The following NIPAL2 variants were observed in gnomAD, a reference collection of about 807,000 sequenced individuals.
NIPAL2 encodes NIPA-like protein 2.
In NIPAL2, 43 loss-of-function variants were observed where a neutral mutation model predicts 48.9. The observed-to-expected ratio is 0.88, with a 90% CI of 0.69 to 1.13. NIPAL2 has a LOEUF of 1.13. NIPAL2 is among the 50% of genes most tolerant of loss of function. The probability of loss-of-function intolerance (pLI) is 0.00; values close to 1 mark genes in which losing one functional copy is unlikely to be tolerated. For synonymous variants in NIPAL2, 167 were observed against 174.6 expected, an observed-to-expected ratio of 0.96 and a Z score of 0.34; for missense variants, 446 against 461.4, an observed-to-expected ratio of 0.97 and a Z score of 0.31.
intron 5 of NIPAL2, among the ~76,000 whole-genome samples, chr8:98,219,045 G>C (rs938328205): frequency 1.3e-5 from 2 of 152,178 alleles, no homozygotes; most frequent in South Asian, 2.1e-4. Context: ...TTTCCAACAG[G>C]ATCAGGGGTA....
intron 1 of NIPAL2, among the ~76,000 whole-genome samples, chr8:98,291,875 C>T (rs1586505635): frequency 6.6e-6 from 1 of 152,232 alleles, no homozygotes; most frequent in Non-Finnish European, 1.5e-5. Flanking sequence ...TTTCTTCCTC[C>T]AGAAGCACTC....
chr8:98,237,067 TTTC>T (rs1435301928), intron 3 of NIPAL2, among the ~76,000 whole-genome samples: 3 of 152,002 alleles, frequency 2.0e-5, no homozygotes, highest in Non-Finnish European at 2.9e-5. Flanking sequence ...ACTCTATTTT[TTTC>T]TTTTTTTTGA....
chr8:98,288,075 AC>A (rs1202811956), intron 1 of NIPAL2, among the ~76,000 whole-genome samples: 1 of 152,050 alleles, frequency 6.6e-6, no homozygotes, highest in African/African-American at 2.4e-5. Flanking sequence ...GTTTTAGGGT[AC>A]ATGTGCACAT....
intron 6 of NIPAL2, among the ~76,000 whole-genome samples, chr8:98,206,727 G>T (rs983245852): frequency 1.3e-5 from 2 of 148,528 alleles, no homozygotes; most frequent in Non-Finnish European, 3.0e-5. Context: ...GGCGGAGTTC[G>T]CAGAGGGCCA....
In NIPAL2 at chr8:98,209,569, G is replaced by A. The variant is rs185403973; in HGVS notation, c.655+2836C>T. On this transcript the variant is annotated intron_variant, in intron 6 of 10. Transcript: ENST00000430223. ...GGAGTTTGAAGCCGCAGTGAGCTAT[G>A]ATTGTGCCACTATACTCCAGACTGG... Among the ~76,000 whole-genome samples, 422 of 152,116 alleles carry A rather than the reference G, an allele frequency of 2.8e-3. 1 individual carries two copies. The highest frequency in any genetic ancestry group is 9.7e-3 in the African/African-American group (404 of 41,520).
intron 1 of NIPAL2, among the ~76,000 whole-genome samples, chr8:98,270,218 G>C (rs898401098): frequency 1.3e-5 from 2 of 152,170 alleles, no homozygotes; most frequent in African/African-American, 4.8e-5. Context: ...GGATTGCTGG[G>C]TGAAATGGTA....
chr8:98,200,437 T>C (rs1367860286), intron 8 of NIPAL2, among the ~76,000 whole-genome samples: 1 of 152,214 alleles, frequency 6.6e-6, no homozygotes, highest in Non-Finnish European at 1.5e-5. Flanking sequence ...TCAAGGTTCA[T>C]CTATGTTGTG....
chr8:98,287,198 T>A (rs1033088694), intron 1 of NIPAL2, among the ~76,000 whole-genome samples: 4 of 152,190 alleles, frequency 2.6e-5, no homozygotes, highest in African/African-American at 7.2e-5. Flanking sequence ...ACTGGTTGGT[T>A]AAACTACAGT....
intron 4 of NIPAL2, among the ~76,000 whole-genome samples, chr8:98,233,411 ATC>A (rs1812545690): frequency 1.3e-5 from 2 of 151,842 alleles, no homozygotes; most frequent in Non-Finnish European, 2.9e-5. Context: ...CCTCTTAGGA[ATC>A]TCTCAGCAAT....
At chr8:98,232,709 A>G (rs750722612) in intron 4 of NIPAL2, among the ~76,000 whole-genome samples, 1 of 151,834 alleles carries the variant, frequency 6.6e-6, no homozygotes, top group Non-Finnish European at 1.5e-5. Context: ...AGGTTATATA[A>G]GGTTACATAA....
chr8:98,237,629 T>C (rs574733853), intron 3 of NIPAL2, among the ~76,000 whole-genome samples: 1 of 152,208 alleles, frequency 6.6e-6, no homozygotes, highest in Non-Finnish European at 1.5e-5. Context: ...TTGCTTCTGA[T>C]GCTTTGGTCA....
At chr8:98,258,118 T>C (rs1484697358) in intron 1 of NIPAL2, among the ~76,000 whole-genome samples, 1 of 152,156 alleles carries the variant, frequency 6.6e-6, no homozygotes, top group Non-Finnish European at 1.5e-5. Flanking sequence ...TAATGCTAAG[T>C]GAAATCAGCC....
intron 3 of NIPAL2, among the ~76,000 whole-genome samples, chr8:98,238,690 A>AC (rs1439470891): frequency 4.0e-4 from 61 of 151,218 alleles, no homozygotes; most frequent in Non-Finnish European, 7.5e-4. Context: ...CAGGTTACTT[A>AC]CAGGAATGGA....
chr8:98,224,774 G>A (rs907018132), intron 4 of NIPAL2, among the ~76,000 whole-genome samples: 2 of 34,928 alleles, frequency 5.7e-5, no homozygotes, highest in African/African-American at 1.8e-4. Flanking sequence ...TTTTTTTTTT[G>A]TTGAAACAGA....
intron 1 of NIPAL2, among the ~76,000 whole-genome samples, chr8:98,267,721 T>G (rs1366066331): frequency 1.3e-5 from 2 of 152,200 alleles, no homozygotes; most frequent in Admixed American, 1.3e-4. Flanking sequence ...CTTATAATAT[T>G]TCCTTTCTTA....
chr8:98,222,077 A>G (rs567941970), intron 5 of NIPAL2, among the ~76,000 whole-genome samples: 2 of 152,354 alleles, frequency 1.3e-5, no homozygotes, highest in Admixed American at 6.5e-5. Flanking sequence ...AATGTGACAC[A>G]TATACACCAT....
intron 6 of NIPAL2, among the ~76,000 whole-genome samples, chr8:98,211,209 A>G (rs1811296511): frequency 6.6e-6 from 1 of 152,196 alleles, no homozygotes; most frequent in Admixed American, 6.5e-5. Context: ...AGGTAAACGT[A>G]TTCCATTTAC....
intron 3 of NIPAL2, among the ~76,000 whole-genome samples, chr8:98,247,551 G>A (rs1487316546): frequency 6.6e-6 from 1 of 152,226 alleles, no homozygotes; most frequent in African/African-American, 2.4e-5. Flanking sequence ...GTTGATTTGT[G>A]TATTTCTCAG....
chr8:98,266,004 A>C (rs1248377569), intron 1 of NIPAL2, among the ~76,000 whole-genome samples: 8 of 151,476 alleles, frequency 5.3e-5, no homozygotes, highest in Non-Finnish European at 7.4e-5. Context: ...AAATTGGAAA[A>C]CATCATTCTC....
Sources: gnomAD v4.1 joint callset for allele counts (sites outside exome capture counted in the v4.1 genomes callset) on GRCh38, gnomAD v4.1.1 for gene constraint, MANE v1.5 for transcripts, NCBI Gene and HGNC (gene_info 2026-07-23, HGNC 2026-07-21) for gene names.